The following GRM5 variants were observed in gnomAD, a reference collection of about 807,000 sequenced individuals.
GRM5 encodes the protein glutamate metabotropic receptor 5.
GRM5 carries 19 observed loss-of-function variants against 83.1 expected under a neutral mutation model. The ratio of observed to expected loss-of-function variants is 0.23; its 90% CI spans 0.16 to 0.34. The LOEUF (loss-of-function observed/expected upper bound fraction) is 0.34, where lower values mean the gene tolerates loss of function less well. GRM5 is among the 10% of genes least tolerant of loss of function. The pLI is 1.00. For missense variants in GRM5, 1,160 were observed against 1,588.3 expected (o/e 0.73, Z 4.58); for synonymous variants, 675 against 633.6 (o/e 1.07, Z -0.98).
chr11:89,022,369 G>A (rs911593965), intron 2 of GRM5, among the ~76,000 whole-genome samples: 2 of 151,940 alleles, frequency 1.3e-5, no homozygotes, highest in African/African-American at 4.8e-5. Context: ...TAGGCTGGGC[G>A]CGGTGGCTCA....
intron 2 of GRM5, among the ~76,000 whole-genome samples, chr11:88,851,163 C>T (rs1333185054): frequency 6.6e-6 from 1 of 152,112 alleles, no homozygotes; most frequent in Non-Finnish European, 1.5e-5. Flanking sequence ...CCGCATTTCT[C>T]TTTCCCATTT....
At chr11:88,645,179 AC>A (rs1380153169) in intron 4 of GRM5, among the ~76,000 whole-genome samples, 1 of 152,134 alleles carries the variant, frequency 6.6e-6, no homozygotes, top group Non-Finnish European at 1.5e-5. Flanking sequence ...AGTTTGGTAC[AC>A]ATAGAGATGG....
At chr11:88,957,220 G>GA (rs1938646063) in intron 2 of GRM5, among the ~76,000 whole-genome samples, 1 of 152,140 alleles carries the variant, frequency 6.6e-6, no homozygotes, top group African/African-American at 2.4e-5. Flanking sequence ...TGCTTCCGAT[G>GA]AAAAAACACA....
intron 3 of GRM5, among the ~76,000 whole-genome samples, chr11:88,776,269 T>C (rs1315952387): frequency 6.6e-6 from 1 of 152,162 alleles, no homozygotes; most frequent in Non-Finnish European, 1.5e-5. Context: ...CAACCCCTGT[T>C]TTTTTTGCTT....
intron 3 of GRM5, among the ~76,000 whole-genome samples, chr11:88,811,278 T>C (rs1271894887): frequency 6.6e-6 from 1 of 152,046 alleles, no homozygotes; most frequent in African/African-American, 2.4e-5. Context: ...CACATTTTGA[T>C]AGACTTTGTG....
At chr11:88,989,126 C>G (rs1939863448) in intron 2 of GRM5, among the ~76,000 whole-genome samples, 1 of 150,516 alleles carries the variant, frequency 6.6e-6, no homozygotes, top group Non-Finnish European at 1.5e-5. Flanking sequence ...ATCTCACGTG[C>G]AGAGACACAC....
intron 3 of GRM5, among the ~76,000 whole-genome samples, chr11:88,707,018 G>C (rs145104911): frequency 1.3e-4 from 20 of 152,140 alleles, no homozygotes; most frequent in Middle Eastern, 3.4e-3. Context: ...TCTGCTGGAA[G>C]TGCTCCAAGG....
chr11:88,554,725 T>C (rs191113761), intron 8 of GRM5, among the ~76,000 whole-genome samples: 28 of 152,254 alleles, frequency 1.8e-4, no homozygotes, highest in Admixed American at 7.2e-4. Flanking sequence ...GGATTGGACA[T>C]TGGCTCCTAG....
chr11:88,613,436 C>T (rs1463287411), intron 4 of GRM5, among the ~76,000 whole-genome samples: 3 of 152,118 alleles, frequency 2.0e-5, no homozygotes, highest in Non-Finnish European at 4.4e-5. Context: ...TGTATTGTAA[C>T]TTTTACCATT....
intron 8 of GRM5, among the ~76,000 whole-genome samples, chr11:88,544,077 A>T (rs879676090): frequency 6.6e-5 from 10 of 151,608 alleles, no homozygotes; most frequent in Non-Finnish European, 1.3e-4. Flanking sequence ...TCTCTCTCTC[A>T]CACACACACA....
chr11:88,624,094 T>C (rs1938718671), intron 4 of GRM5, among the ~76,000 whole-genome samples: 1 of 152,184 alleles, frequency 6.6e-6, no homozygotes, highest in Non-Finnish European at 1.5e-5. Flanking sequence ...CAGTGTTTGA[T>C]GGGCTTGTAT....
intron 2 of GRM5, among the ~76,000 whole-genome samples, chr11:88,919,238 C>CTATATATATATATA (rs147135169): frequency 0.015 from 475 of 32,388 alleles, 114 homozygotes; most frequent in East Asian, 0.027. Flanking sequence ...GCAGGAGTAG[C>CTATATATATATATA]TATATATATA....
At chr11:88,939,077 T>G (rs1404006720) in intron 2 of GRM5, among the ~76,000 whole-genome samples, 2 of 151,800 alleles carry the variant, frequency 1.3e-5, no homozygotes, top group Non-Finnish European at 3.0e-5. Context: ...TCTTTGCATA[T>G]TCTATATTTT....
intron 1 of GRM5, among the ~76,000 whole-genome samples, chr11:89,054,339 A>G (rs1941825848): frequency 6.6e-6 from 1 of 152,198 alleles, no homozygotes; most frequent in African/African-American, 2.4e-5. Flanking sequence ...GAACACAAAA[A>G]GGATAGAGTC....
chr11:88,522,603 C>CTCTGTGTG (rs1206475339), intron 9 of GRM5, among the ~76,000 whole-genome samples: 4,427 of 127,074 alleles, frequency 0.035, 95 homozygotes, highest in Middle Eastern at 0.059. Context: ...CTCTCTCTCT[C>CTCTGTGTG]TGTGTGTGTG....
intron 2 of GRM5, among the ~76,000 whole-genome samples, chr11:88,999,281 T>C (rs1940291534): frequency 6.6e-6 from 1 of 152,142 alleles, no homozygotes; most frequent in African/African-American, 2.4e-5. Flanking sequence ...CAAAAGAAAC[T>C]ACCATCAGAG....
chr11:88,686,934 C>T (rs899254551), intron 3 of GRM5, among the ~76,000 whole-genome samples: 3 of 152,130 alleles, frequency 2.0e-5, no homozygotes, highest in Non-Finnish European at 4.4e-5. Context: ...TAAGATTTAT[C>T]TATCTCCTCT....
chr11:88,937,392 TATA>T (rs1303399782), intron 2 of GRM5, among the ~76,000 whole-genome samples: 1 of 151,762 alleles, frequency 6.6e-6, no homozygotes, highest in African/African-American at 2.4e-5. Context: ...TTTCAACATT[TATA>T]ATGACTTTGA....
At chr11:88,635,389 T>C (rs1289682566) in intron 4 of GRM5, among the ~76,000 whole-genome samples, 2 of 152,222 alleles carry the variant, frequency 1.3e-5, no homozygotes, top group African/African-American at 4.8e-5. Context: ...TGATATCTCA[T>C]TGTGGTTTTG....
Sources: gnomAD v4.1 joint callset for allele counts (sites outside exome capture counted in the v4.1 genomes callset) on GRCh38, gnomAD v4.1.1 for gene constraint, MANE v1.5 for transcripts, NCBI Gene and HGNC (gene_info 2026-07-23, HGNC 2026-07-21) for gene names.